The following COLGALT2 variants were observed in gnomAD, a reference collection of about 807,000 sequenced individuals.
COLGALT2 encodes the protein procollagen galactosyltransferase 2.
Under a neutral mutation model 73.4 loss-of-function variants are expected in COLGALT2, and 49 were observed. That is an observed-to-expected ratio of 0.67 (90% CI 0.53 to 0.85). The LOEUF (loss-of-function observed/expected upper bound fraction) is 0.85. Ranked by LOEUF, COLGALT2 falls within the 40% of genes least tolerant of loss-of-function variation. The pLI is 0.00. For synonymous variants in COLGALT2, 295 were observed against 307.6 expected, an observed-to-expected ratio of 0.96 and a Z score of 0.43; for missense variants, 722 against 790.2, an observed-to-expected ratio of 0.91 and a Z score of 1.03.
At position 183,946,820 on chromosome 1, in the gene COLGALT2, T is replaced by A. The variant is rs567215539; in HGVS notation, c.1137-1256A>T. 2.5e-3 allele frequency among the ~76,000 whole-genome samples: 377 copies of A among 152,240 alleles called. 2 individuals carry two copies. The highest frequency in any genetic ancestry group is 7.8e-3 in the African/African-American group (326 of 41,548). On this transcript the variant is annotated intron_variant, in intron 8 of 11. Transcript: ENST00000361927. ...GCCGAGGTGGGCAGATCAGAAGGTC[T>A]GGAGATCGAGACCATCCTGGCTAAC...
At position 183,974,977 on chromosome 1, in the gene COLGALT2, G is replaced by A. The variant is rs981028974; in HGVS notation, c.492+120C>T. ...TTCATTGTGCCTTTCTTAAAAAGTG[G>A]GGGAGGCACTGCCTAATCAAAAAGG... On this transcript the variant is annotated intron_variant, in intron 3 of 11. Transcript: ENST00000361927. 4 of 668,528 alleles carry A rather than the reference G, an allele frequency of 6.0e-6. No individual in the cohort carries two copies. The Admixed American group carries it at 7.2e-5, about 12-fold the overall frequency. The allele number at this position is 668,528 out of a possible 1,614,324, so 41.4% of individuals were successfully genotyped here.
At chr1:183,978,599 C>G (rs1312697092) in intron 1 of COLGALT2, 79 bp from the exon 2 acceptor site, 1 of 805,296 alleles carries the variant, frequency 1.2e-6, no homozygotes, top group African/African-American at 1.8e-5. Context: ...CCCTGACTAA[C>G]TGAAAGAAGA....
In COLGALT2 at chr1:183,987,306, G is replaced by A. The variant is rs898336775; in HGVS notation, c.264-8786C>T. 3.3e-5 allele frequency among the ~76,000 whole-genome samples: 5 copies of A among 151,806 alleles called. No individual in the cohort carries two copies. In the East Asian group the frequency reaches 9.7e-4, roughly 29 times the overall value. On this transcript the variant is annotated intron_variant, in intron 1 of 11. Coordinates refer to ENST00000361927, the MANE Select transcript of COLGALT2 (RefSeq NM_015101.4). ...CATGGCCCCTTTTCTTGTCCTTATTGGATTTTCCAATTCTGTTAAGTTCTT... is the reference window on the plus strand; with the variant it reads ...CATGGCCCCTTTTCTTGTCCTTATTAGATTTTCCAATTCTGTTAAGTTCTT...
intron 5 of COLGALT2, chr1:183,964,324 G>C (rs1327696594): frequency 2.6e-6 from 1 of 382,202 alleles, no homozygotes; most frequent in Non-Finnish European, 4.6e-6. Flanking sequence ...GATCAAAAGG[G>C]AGGCAAGGAA....
chr1:183,957,392 T>C (rs1670581939), intron 6 of COLGALT2, among the ~76,000 whole-genome samples: 1 of 152,154 alleles, frequency 6.6e-6, no homozygotes, highest in South Asian at 2.1e-4. Flanking sequence ...TGGTGGCCAC[T>C]GGTATTAGCC....
chr1:183,934,946 T>C (rs983050730), downstream of COLGALT2, among the ~76,000 whole-genome samples: 3 of 152,234 alleles, frequency 2.0e-5, no homozygotes, highest in African/African-American at 7.2e-5. Flanking sequence ...GAGACAGCCC[T>C]GAGAGGGAGG....
rs185915985 is a variant in COLGALT2, at chr1:183,982,742, A to G, written c.264-4222T>C. Among the ~76,000 whole-genome samples, 402 of 152,288 alleles carry G rather than the reference A, an allele frequency of 2.6e-3. 2 individuals are homozygous for G. Among genetic ancestry groups the G allele is most frequent in the African/African-American group, 9.0e-3 (376 of 41,564 alleles). ...AGGAGTTCCAGGCTGCAGTGAGTACAACTATGCCTGTGAATAGTCACTGCA... is the reference window on the plus strand; with the variant it reads ...AGGAGTTCCAGGCTGCAGTGAGTACGACTATGCCTGTGAATAGTCACTGCA... On this transcript the variant is annotated intron_variant, in intron 1 of 11. Coordinates refer to ENST00000361927, the MANE Select transcript of COLGALT2 (RefSeq NM_015101.4).
chr1:183,988,843 G>A (rs2102828185), intron 1 of COLGALT2, among the ~76,000 whole-genome samples: 1 of 152,244 alleles, frequency 6.6e-6, no homozygotes, highest in South Asian at 2.1e-4. Flanking sequence ...CATTTACCCT[G>A]AGTACGGCTG....
chr1:183,949,432 TG>T (rs1305951609), intron 8 of COLGALT2, among the ~76,000 whole-genome samples: 2 of 152,232 alleles, frequency 1.3e-5, no homozygotes, highest in Non-Finnish European at 2.9e-5. Context: ...CTTACATTTA[TG>T]GGCAACTGGC....
intron 1 of COLGALT2, 133 bp downstream of exon 1, chr1:184,036,962 G>T: frequency 1.3e-6 from 1 of 761,938 alleles, no homozygotes; most frequent in Non-Finnish European, 1.8e-6. Flanking sequence ...GGGTGTGTGC[G>T]CCAGATTTTC....
chr1:183,940,675 G>A lies in COLGALT2; in HGVS notation c.1510C>T (p.Leu504=). ...CCAACCAGCTTCTGTGCTCCTTCCA[G>A]AGAGATGACGTAGCCCAGGGTCCAG... The part of the protein sequence containing the change: ...SYWTLGYVIS[L]EGAQKLVGAN... Residue 504 remains leucine (L), a synonymous_variant, in exon 11 of 12, where the codon CTG becomes TTG. Coordinates refer to ENST00000361927, the MANE Select transcript of COLGALT2 (RefSeq NM_015101.4). 6.2e-7 allele frequency: 1 copy of A among 1,614,242 alleles called. No homozygotes were observed. The highest frequency in any genetic ancestry group is 8.5e-7 in the Non-Finnish European group (1 of 1,180,054).
At chr1:184,018,612 T>A (rs1175600704) in intron 1 of COLGALT2, among the ~76,000 whole-genome samples, 1 of 152,164 alleles carries the variant, frequency 6.6e-6, no homozygotes, top group Non-Finnish European at 1.5e-5. Context: ...CACTATAAAC[T>A]TTTTTCAGAC....
chr1:183,999,182 A>C (rs181425691), intron 1 of COLGALT2, among the ~76,000 whole-genome samples: 2 of 152,014 alleles, frequency 1.3e-5, no homozygotes, highest in Non-Finnish European at 2.9e-5. Flanking sequence ...GTTTCGAATG[A>C]TTGCTGAAAT....
chr1:183,951,162 C>T (rs760276934), intron 7 of COLGALT2, 49 bp from the exon 8 acceptor site: 2 of 1,336,578 alleles, frequency 1.5e-6, no homozygotes, highest in Non-Finnish European at 2.2e-6. Context: ...CTCAAGTCTT[C>T]TTTTAGGCTG....
Position 183,936,054 on chromosome 1 carries a change from G to C in COLGALT2, c.*2707C>G, listed in dbSNP as rs1053092. The stretch of plus-strand genomic sequence containing the variant: ...GCAGGTGTTCAGTCCACACACAGCA[G>C]CACCAGCACTGCTGATGTCACGGTT... On this transcript the variant is annotated 3_prime_UTR_variant, in exon 12 of 12. Transcript: ENST00000361927. 266,889 of 985,210 alleles carry C rather than the reference G, an allele frequency of 0.27. 36,574 individuals carry two copies. Among genetic ancestry groups the C allele is most frequent in the East Asian group, 0.48 (4,252 of 8,792 alleles). 61.0% of individuals were successfully genotyped at this position (985,210 alleles called of 1,614,324 possible).
chr1:183,965,409 A>C (rs766002926), intron 5 of COLGALT2, among the ~76,000 whole-genome samples: 9 of 152,220 alleles, frequency 5.9e-5, no homozygotes, highest in Non-Finnish European at 1.2e-4. Flanking sequence ...CAAGACCATA[A>C]TATATTTACT....
chr1:184,023,790 A>G (rs1354612204), intron 1 of COLGALT2, among the ~76,000 whole-genome samples: 1 of 152,178 alleles, frequency 6.6e-6, no homozygotes, highest in African/African-American at 2.4e-5. Context: ...CAACAGCAAT[A>G]GATTTCCTAG....
In COLGALT2 at chr1:183,954,603, A is replaced by C. The variant is rs114422863; in HGVS notation, c.1029+159T>G. Among the ~76,000 whole-genome samples the C allele has an allele frequency of 3.4e-3, 520 of 152,368 alleles. 1 individual carries two copies. The highest frequency in any genetic ancestry group is 6.1e-3 in the Non-Finnish European group (413 of 68,042). ...TTTTTTTAAGATAAGGAAACTGAGA[A>C]CAACAAAAACCAAGTAGTTTTCCCA... On this transcript the variant is annotated intron_variant, in intron 7 of 11. Transcript: ENST00000361927.
intron 1 of COLGALT2, among the ~76,000 whole-genome samples, chr1:183,993,177 T>C (rs1397667447): frequency 6.6e-6 from 1 of 152,254 alleles, no homozygotes; most frequent in African/African-American, 2.4e-5. Context: ...ACTTCCTCTC[T>C]CTTTCATAAT....
Sources: gnomAD v4.1 joint callset for allele counts (sites outside exome capture counted in the v4.1 genomes callset) on GRCh38, gnomAD v4.1.1 for gene constraint, MANE v1.5 for transcripts, NCBI Gene and HGNC (gene_info 2026-07-23, HGNC 2026-07-21) for gene names.